FAM3B: variants seen among roughly 807,000 people sequenced by gnomAD.
FAM3B encodes the protein protein FAM3B.
A neutral mutation model predicts 28.4 loss-of-function variants in FAM3B; 29 were observed. The observed-to-expected ratio is 1.02, with a 90% CI of 0.76 to 1.39. The LOEUF is 1.39. Ranked by LOEUF, FAM3B falls within the 40% of genes most tolerant of loss-of-function variation. FAM3B has a pLI of 0.00. For missense variants in FAM3B, 266 were observed against 293.9 expected (o/e 0.91, Z 0.69); for synonymous variants, 91 against 103.0 (o/e 0.88, Z 0.71).
intron 7 of FAM3B, among the ~76,000 whole-genome samples, chr21:41,350,606 G>A (rs1250022197): frequency 6.6e-6 from 1 of 152,138 alleles, no homozygotes; most frequent in Non-Finnish European, 1.5e-5. Flanking sequence ...TCCCAACTTG[G>A]GTCTCCCCAA....
exon 1 of FAM3B, chr21:41,304,246 G>A (rs1024451185): frequency 6.6e-6 from 3 of 456,002 alleles, no homozygotes; most frequent in East Asian, 7.0e-5. Context: ...TGGGCTCGGC[G>A]GGCATGGCTG....
chr21:41,338,265 G>A lies in FAM3B; in HGVS notation c.164-113G>A, dbSNP rs905860024. On this transcript the variant is annotated intron_variant, in intron 2 of 7. Transcript: ENST00000357985. ...GAAACCCTTCCCCCTCAGGTTTTCC[G>A]ACCGCTGCTTGGAGTTTCTGGTATG... 70 of 1,310,894 alleles carry A rather than the reference G, an allele frequency of 5.3e-5. 1 individual carries two copies. The highest frequency in any genetic ancestry group is 2.1e-4 in the South Asian group (15 of 71,024). 81.2% of individuals were successfully genotyped at this position (1,310,894 alleles called of 1,614,324 possible).
intron 2 of FAM3B, among the ~76,000 whole-genome samples, chr21:41,327,408 G>C (rs1406171428): frequency 6.6e-6 from 1 of 152,234 alleles, no homozygotes. Flanking sequence ...GACTTGCACA[G>C]GAGCCAGAAT....
intron 7 of FAM3B, among the ~76,000 whole-genome samples, chr21:41,355,992 A>G (rs1340928072): frequency 6.6e-6 from 1 of 151,874 alleles, no homozygotes; most frequent in African/African-American, 2.4e-5. Context: ...GGATGAATAC[A>G]TATTTGCTGA....
intron 1 of FAM3B, among the ~76,000 whole-genome samples, chr21:41,318,287 C>G (rs2088767906): frequency 6.6e-6 from 1 of 152,154 alleles, no homozygotes; most frequent in African/African-American, 2.4e-5. Flanking sequence ...GTGGGCCTTG[C>G]CCTGGACGCT....
chr21:41,341,572 A>T (rs1381089180), intron 3 of FAM3B, among the ~76,000 whole-genome samples: 1 of 152,212 alleles, frequency 6.6e-6, no homozygotes, highest in Non-Finnish European at 1.5e-5. Context: ...CACTTGTTTA[A>T]TGTTGTCTGT....
intron 2 of FAM3B, among the ~76,000 whole-genome samples, chr21:41,336,804 T>G (rs2088959955): frequency 1.3e-5 from 2 of 152,234 alleles, no homozygotes; most frequent in African/African-American, 4.8e-5. Flanking sequence ...CTTGATGAAT[T>G]CACTCCTTTA....
At chr21:41,309,430 T>C (rs2088698297) in intron 1 of FAM3B, among the ~76,000 whole-genome samples, 3 of 152,198 alleles carry the variant, frequency 2.0e-5, no homozygotes, top group Admixed American at 6.5e-5. Flanking sequence ...TGCTTCCGCT[T>C]CTTCCTGTCC....
At chr21:41,324,644 A>T (rs2088840152) in intron 2 of FAM3B, among the ~76,000 whole-genome samples, 1 of 152,240 alleles carries the variant, frequency 6.6e-6, no homozygotes, top group Admixed American at 6.5e-5. Flanking sequence ...AGGTATATTT[A>T]GTAACAGCAT....
rs748842799 is a variant in FAM3B at position 41,348,689 on chromosome 21, G to C, written c.583G>C (p.Gly195Arg). 6.2e-7 allele frequency: 1 copy of C among 1,614,226 alleles called. No homozygotes were observed. The highest frequency in any genetic ancestry group is 8.5e-7 in the Non-Finnish European group (1 of 1,180,044). ...RSSWVFIAAK[G>R]LELPSEIQRE... is the part of the protein sequence containing the mutation. ...TAGCTGGGTATTTATTGCAGCAAAAGGCTTGGAACTCCCTTCCGAAATTCA... is the reference window on the plus strand; with the variant it reads ...TAGCTGGGTATTTATTGCAGCAAAACGCTTGGAACTCCCTTCCGAAATTCA... Residue 195 changes from glycine (G) to arginine (R), a missense_variant, in exon 7 of 8, where the codon GGC becomes CGC. Transcript: ENST00000357985.
At chr21:41,316,763 C>T (rs1414491425), upstream of FAM3B, 12 of 1,077,608 alleles carry the variant, frequency 1.1e-5, no homozygotes, top group East Asian at 3.2e-5. Context: ...ACCCAGCTGG[C>T]CCGCCCCTGC....
At chr21:41,348,227 C>A (rs1367259923) in intron 6 of FAM3B, among the ~76,000 whole-genome samples, 2 of 152,212 alleles carry the variant, frequency 1.3e-5, no homozygotes, top group African/African-American at 4.8e-5. Flanking sequence ...TCAGCAACTT[C>A]TCTCCACCTT....
chr21:41,312,555 C>T (rs971587446), upstream of FAM3B, among the ~76,000 whole-genome samples: 1 of 151,980 alleles, frequency 6.6e-6, no homozygotes, highest in Non-Finnish European at 1.5e-5. Context: ...AATGCAAAGC[C>T]CTATGAGAGG....
At position 41,334,844 on chromosome 21, in the gene FAM3B, G is replaced by T. The variant is rs143217742; in HGVS notation, c.164-3534G>T. ...ACAGAAACTTAATGCCAGTTTGTGA[G>T]AACAGCCTCAGGGACTGAGCCTTGC... On this transcript the variant is annotated intron_variant, in intron 2 of 7. Coordinates refer to ENST00000357985, the MANE Select transcript of FAM3B (RefSeq NM_058186.4). 8.0e-3 allele frequency among the ~76,000 whole-genome samples: 1,224 copies of T among 152,342 alleles called. 13 individuals carry two copies. The highest frequency in any genetic ancestry group is 0.028 in the African/African-American group (1,152 of 41,574).
At chr21:41,354,556 A>G (rs1458632255) in intron 7 of FAM3B, among the ~76,000 whole-genome samples, 1 of 152,238 alleles carries the variant, frequency 6.6e-6, no homozygotes, top group Non-Finnish European at 1.5e-5. Flanking sequence ...GGAGGCCATT[A>G]TCCTTAGCAA....
chr21:41,356,250 A>G (rs2145838157), intron 7 of FAM3B, among the ~76,000 whole-genome samples: 1 of 152,306 alleles, frequency 6.6e-6, no homozygotes, highest in Admixed American at 6.5e-5. Context: ...GATGCTCTTC[A>G]GCTTACATCC....
At position 41,345,800 on chromosome 21, in the gene FAM3B, A is replaced by T. The variant is rs751962645; in HGVS notation, c.397+64A>T. ...AAACAGAAAATTAAGATTAAAAAGC[A>T]CAAAGAAAAATGTCAACCATTTTTA... On this transcript the variant is annotated intron_variant, in intron 5 of 7. Transcript: ENST00000357985. 11 of 1,065,554 alleles carry T rather than the reference A, an allele frequency of 1.0e-5. No individual in the cohort carries two copies. The South Asian group carries it at 1.4e-4, about 13-fold the overall frequency. 66.0% of individuals were successfully genotyped at this position (1,065,554 alleles called of 1,614,324 possible).
intron 3 of FAM3B, among the ~76,000 whole-genome samples, chr21:41,344,122 TA>T (rs1472318272): frequency 6.6e-6 from 1 of 152,136 alleles, no homozygotes; most frequent in East Asian, 1.9e-4. Context: ...CCTGTCTCAA[TA>T]AATAAATAGA....
At chr21:41,350,811 C>T (rs1030207996) in intron 7 of FAM3B, among the ~76,000 whole-genome samples, 11 of 152,350 alleles carry the variant, frequency 7.2e-5, no homozygotes, top group South Asian at 4.1e-4. Flanking sequence ...GCTCCTTCCC[C>T]GGCTCTTACC....
Sources: allele counts gnomAD v4.1 joint callset (sites outside exome capture counted in the v4.1 genomes callset), GRCh38; gene constraint gnomAD v4.1.1; transcripts MANE v1.5; gene names NCBI Gene and HGNC (gene_info 2026-07-23, HGNC 2026-07-21).